The following SLC15A2 variants were observed in gnomAD, a reference collection of about 807,000 sequenced individuals.
SLC15A2 encodes the protein solute carrier family 15 member 2, also known as kidney H(+)/peptide cotransporter.
A neutral mutation model predicts 95.5 loss-of-function variants in SLC15A2; 77 were observed. That is an observed-to-expected ratio of 0.81 (90% confidence interval 0.67 to 0.97). The LOEUF (loss-of-function observed/expected upper bound fraction) is 0.97. Ranked by LOEUF, SLC15A2 falls within the 50% of genes least tolerant of loss-of-function variation. The pLI is 0.00. For missense variants in SLC15A2, 893 were observed against 874.4 expected (o/e 1.02, Z -0.27); for synonymous variants, 306 against 306.9 (o/e 1.00, Z 0.03).
chr3:121,903,749 T>C (rs576525021), intron 3 of SLC15A2, among the ~76,000 whole-genome samples: 1 of 152,356 alleles, frequency 6.6e-6, no homozygotes, highest in Non-Finnish European at 1.5e-5. Flanking sequence ...TTTTGGTTAC[T>C]GTCGCCTTGT....
Position 121,929,076 on chromosome 3 carries a change from A to T in SLC15A2, c.1436A>T (p.His479Leu). 6.2e-7 allele frequency: 1 copy of T among 1,614,164 alleles called. No homozygotes were observed. The change falls in exon 16 of 22, where the codon CAT becomes CTT. Residue 479 changes from histidine to leucine, a missense_variant. Physicochemically the swap from His to Leu is moderately conservative, Grantham distance 99. Transcript: ENST00000489711. ...KYHNLSLYTE[H>L]SVQEKNWYSL... is the part of the protein sequence containing the mutation. Reference sequence around the variant, plus strand: ...CACAATTTGTCTCTCTACACTGAGCATTCTGTGCAGGAGAAGAACTGGTAC... The same window carrying T: ...CACAATTTGTCTCTCTACACTGAGCTTTCTGTGCAGGAGAAGAACTGGTAC...
intron 21 of SLC15A2, 108 bp from the exon 22 acceptor site, chr3:121,940,723 G>T: frequency 1.7e-6 from 2 of 1,209,068 alleles, no homozygotes; most frequent in Non-Finnish European, 2.3e-6. Context: ...GCAAAAGTCT[G>T]GTTAAACTGG....
At chr3:121,911,551 G>A (rs1576675787) in intron 3 of SLC15A2, 23 bp from the exon 4 acceptor site, 2 of 1,549,466 alleles carry the variant, frequency 1.3e-6, no homozygotes, top group Non-Finnish European at 1.8e-6. Context: ...GTTTTAGACT[G>A]ACTGATTTAG....
chr3:121,906,957 T>A (rs984381973), intron 3 of SLC15A2, among the ~76,000 whole-genome samples: 1 of 152,244 alleles, frequency 6.6e-6, no homozygotes, highest in Admixed American at 6.5e-5. Context: ...TCCAACTTGG[T>A]TCCATTCTCC....
At chr3:121,916,712 T>C (rs981444681) in intron 7 of SLC15A2, among the ~76,000 whole-genome samples, 1 of 152,246 alleles carries the variant, frequency 6.6e-6, no homozygotes. Flanking sequence ...TCATAAATTA[T>C]GAAATGTTAA....
chr3:121,902,999 A>G (rs574386466), intron 3 of SLC15A2, among the ~76,000 whole-genome samples: 1 of 152,312 alleles, frequency 6.6e-6, no homozygotes, highest in East Asian at 1.9e-4. Flanking sequence ...ATTTCTCCAC[A>G]TCCTCTCCAG....
At chr3:121,903,486 C>T (rs1709561208) in intron 3 of SLC15A2, among the ~76,000 whole-genome samples, 1 of 152,110 alleles carries the variant, frequency 6.6e-6, no homozygotes, top group South Asian at 2.1e-4. Flanking sequence ...GGTTTTAGGT[C>T]TAACATGTAA....
intron 20 of SLC15A2, among the ~76,000 whole-genome samples, chr3:121,939,832 G>A (rs1366407127): frequency 6.6e-6 from 1 of 151,988 alleles, no homozygotes; most frequent in Admixed American, 6.5e-5. Flanking sequence ...AGGCTGGAGT[G>A]CAGTGGCGCG....
At chr3:121,915,366 CA>C (rs1709872210) in intron 6 of SLC15A2, 49 bp downstream of exon 6, 4 of 1,300,942 alleles carry the variant, frequency 3.1e-6, no homozygotes, top group East Asian at 4.6e-5. Context: ...TCTGGTCAGC[CA>C]AAAAGCTGTT....
chr3:121,937,054 G>T (rs1434248238), intron 19 of SLC15A2, among the ~76,000 whole-genome samples: 1 of 148,074 alleles, frequency 6.8e-6, no homozygotes, highest in African/African-American at 2.5e-5. Context: ...GAAATTCTGG[G>T]TTGAAAATTC....
chr3:121,907,779 G>A (rs1335881674), intron 3 of SLC15A2, among the ~76,000 whole-genome samples: 2 of 152,212 alleles, frequency 1.3e-5, no homozygotes, highest in Non-Finnish European at 2.9e-5. Context: ...CTGTAATGAA[G>A]TGTCAGTTGG....
At chr3:121,935,766 T>C (rs1271065585) in intron 19 of SLC15A2, among the ~76,000 whole-genome samples, 6 of 152,062 alleles carry the variant, frequency 3.9e-5, no homozygotes, top group African/African-American at 7.2e-5. Context: ...CTATTTCCTT[T>C]AGTTCTGCTC....
rs1576683005 is a variant in SLC15A2, at chr3:121,922,375, C to T, written c.780+73C>T. 3.5e-6 allele frequency: 4 copies of T among 1,150,956 alleles called. No individual in the cohort carries two copies. The East Asian group carries it at 9.5e-5, about 27-fold the overall frequency. 71.3% of individuals were successfully genotyped at this position (1,150,956 alleles called of 1,614,324 possible). ...ATGCTATGCTGAGAATATGGGCCTT[C>T]AAACGTGGGCATACATTTTTCTCAA... is the stretch of plus-strand genomic sequence containing the variant. On this transcript the variant is annotated intron_variant, in intron 8 of 21. Transcript: ENST00000489711.
intron 13 of SLC15A2, among the ~76,000 whole-genome samples, chr3:121,926,891 AATGTGGGAC>A (rs373294139): frequency 4.6e-4 from 70 of 152,372 alleles, no homozygotes; most frequent in African/African-American, 1.7e-3. Context: ...GTGTGCCCTG[AATGTGGGAC>A]ATGGAGTCAA....
Position 121,897,457 on chromosome 3 carries a change from C to A in SLC15A2, c.263C>A (p.Ala88Asp). 6.2e-7 allele frequency: 1 copy of A among 1,614,062 alleles called. No homozygotes were observed. Among genetic ancestry groups the A allele is most frequent in the Non-Finnish European group, 8.5e-7 (1 of 1,179,994 alleles). The change falls in exon 3 of 22, where the codon GCC becomes GAC. Residue 88 changes from alanine (A) to aspartate (D), a missense_variant. By Grantham distance (126) the Ala-to-Asp change is moderately radical. Transcript: ENST00000489711. ...NEDTSTSIYH[A>D]FSSLCYFTPI... is the part of the protein sequence containing the mutation. ...GATACCTCCACATCTATATACCATG[C>A]CTTCAGCAGCCTCTGTTATTTTACT...
rs1710070083 is a variant in SLC15A2 at position 121,924,394 on chromosome 3, C to T, written c.1035+11C>T. ...CCGGACCAGATGCAGGTATGTGACT[C>T]TTCTATAGCCATGGGGACTTATTTG... On this transcript the variant is annotated intron_variant, in intron 12 of 21. Coordinates refer to ENST00000489711, the MANE Select transcript of SLC15A2 (RefSeq NM_021082.4). 1.9e-6 allele frequency: 3 copies of T among 1,611,468 alleles called. No homozygotes were observed. Among genetic ancestry groups the T allele is most frequent in the African/African-American group, 2.7e-5 (2 of 74,810 alleles).
Position 121,896,479 on chromosome 3 carries a change from ATT to A in SLC15A2, c.180_181del (p.Tyr60Ter). On this transcript the variant is annotated stop_gained and frameshift_variant, in exon 2 of 22. Coordinates refer to ENST00000489711, the MANE Select transcript of SLC15A2 (RefSeq NM_021082.4). LOFTEE classifies it high-confidence loss of function. ...AATGAATTCTGCGAGCGCTTTTCCT[ATT>A]ATGGAATGAAAGGTAATTTTGTGTC... 1 of 1,613,894 alleles carries A rather than the reference ATT, an allele frequency of 6.2e-7. No individual in the cohort carries two copies. The highest frequency in any genetic ancestry group is 8.5e-7 in the Non-Finnish European group (1 of 1,179,822).
chr3:121,939,443 C>T lies in SLC15A2; in HGVS notation c.1856C>T (p.Thr619Ile), dbSNP rs375670648. ...AWQLPQYALVTAGEVMFSVTG... is the reference protein window; with the variant it reads ...AWQLPQYALVIAGEVMFSVTG... ...CAGCTACCACAATATGCCCTGGTTA[C>T]AGCTGGGGAGGTCATGTTCTCTGTC... is the stretch of plus-strand genomic sequence containing the variant. The change falls in exon 20 of 22, where the codon ACA becomes ATA. Residue 619 changes from threonine (T) to isoleucine (I), a missense_variant. By Grantham distance (89) the Thr-to-Ile change is moderately conservative. Coordinates refer to ENST00000489711, the MANE Select transcript of SLC15A2 (RefSeq NM_021082.4). 6.4e-7 allele frequency: 1 copy of T among 1,565,466 alleles called. No individual in the cohort carries two copies. The highest frequency in any genetic ancestry group is 8.6e-7 in the Non-Finnish European group (1 of 1,157,248).
intron 1 of SLC15A2, among the ~76,000 whole-genome samples, chr3:121,896,077 A>G (rs1382073431): frequency 6.6e-6 from 1 of 152,228 alleles, no homozygotes; most frequent in East Asian, 1.9e-4. Context: ...GTTCCTAGGA[A>G]GTAAATATCA....
Sources: gnomAD v4.1 joint callset for allele counts (sites outside exome capture counted in the v4.1 genomes callset) on GRCh38, gnomAD v4.1.1 for gene constraint, MANE v1.5 for transcripts, NCBI Gene and HGNC (gene_info 2026-07-23, HGNC 2026-07-21) for gene names.